The following PTPRN2 variants were observed in gnomAD, a reference collection of about 807,000 sequenced individuals.
PTPRN2 encodes the protein protein tyrosine phosphatase receptor type N2.
A neutral mutation model predicts 118.8 loss-of-function variants in PTPRN2; 74 were observed. The ratio of observed to expected loss-of-function variants is 0.62; its 90% CI spans 0.52 to 0.76. The LOEUF (loss-of-function observed/expected upper bound fraction) is 0.76. Ranked by LOEUF, PTPRN2 falls within the 30% of genes least tolerant of loss-of-function variation. The pLI is 0.00. For synonymous variants in PTPRN2, 641 were observed against 608.0 expected (o/e 1.05, Z -0.80); for missense variants, 1,481 against 1,394.4 (o/e 1.06, Z -0.99).
intron 2 of PTPRN2, 117 bp downstream of exon 2, chr7:158,489,616 CAG>C: frequency 2.8e-6 from 3 of 1,053,864 alleles, no homozygotes; most frequent in Non-Finnish European, 3.9e-6. Context: ...CTCCTCTCGG[CAG>C]CGCGCCCCGG....
At chr7:157,807,612 T>G (rs927016940) in intron 12 of PTPRN2, among the ~76,000 whole-genome samples, 2 of 152,204 alleles carry the variant, frequency 1.3e-5, no homozygotes, top group African/African-American at 4.8e-5. Context: ...CTGGCCCAAT[T>G]CATCACAGGA....
At position 158,085,473 on chromosome 7, in the gene PTPRN2, C is replaced by T. The variant is rs533654166; in HGVS notation, c.1644-4096G>A. Among the ~76,000 whole-genome samples, 186 of 124,906 alleles carry T rather than the reference C, an allele frequency of 1.5e-3. 5 individuals are homozygous for T. The highest frequency in any genetic ancestry group is 5.8e-3 in the African/African-American group (183 of 31,644). The allele number at this position is 124,906 out of a possible 152,430, so 81.9% of individuals were successfully genotyped here. On this transcript the variant is annotated intron_variant, in intron 10 of 22. Coordinates refer to ENST00000389418, the MANE Select transcript of PTPRN2 (RefSeq NM_002847.5). ...CACGGATGCCCATACACTCCGACAC[C>T]CATCCACACCCACGACGCCCATCCA...
chr7:158,162,916 T>C (rs1822496886), intron 6 of PTPRN2, among the ~76,000 whole-genome samples: 1 of 152,182 alleles, frequency 6.6e-6, no homozygotes, highest in Non-Finnish European at 1.5e-5. Flanking sequence ...GACCCGACCG[T>C]GCGACAGGAG....
chr7:157,747,064 C>T (rs1200107571), intron 12 of PTPRN2, among the ~76,000 whole-genome samples: 6 of 99,334 alleles, frequency 6.0e-5, no homozygotes, highest in African/African-American at 2.7e-4. Flanking sequence ...TGTGGGGTGT[C>T]CGGGTGATTC....
intron 11 of PTPRN2, among the ~76,000 whole-genome samples, chr7:157,949,925 C>A (rs1040030512): frequency 6.6e-6 from 1 of 152,218 alleles, no homozygotes; most frequent in African/African-American, 2.4e-5. Flanking sequence ...CTTCTTTAAG[C>A]CTCCAGCTTG....
At chr7:158,515,134 G>A (rs1004067027) in intron 1 of PTPRN2, among the ~76,000 whole-genome samples, 33 of 152,156 alleles carry the variant, frequency 2.2e-4, no homozygotes, top group African/African-American at 7.5e-4. Flanking sequence ...GGGCAGCCCC[G>A]GGCACACAAA....
intron 12 of PTPRN2, among the ~76,000 whole-genome samples, chr7:157,798,665 G>A (rs1805030832): frequency 1.3e-5 from 2 of 152,164 alleles, no homozygotes; most frequent in Non-Finnish European, 2.9e-5. Context: ...TCTCCTGAGA[G>A]CGATATTTAC....
At chr7:158,048,623 CCACCAT>C (rs1184840947) in intron 11 of PTPRN2, among the ~76,000 whole-genome samples, 12 of 74,108 alleles carry the variant, frequency 1.6e-4, no homozygotes, top group Non-Finnish European at 2.6e-4. Context: ...ATCACCACTA[CCACCAT>C]CACCATCACC....
intron 14 of PTPRN2, among the ~76,000 whole-genome samples, chr7:157,648,999 CGGT>C (rs1805391159): frequency 7.0e-6 from 1 of 143,284 alleles, no homozygotes; most frequent in South Asian, 2.4e-4. Context: ...GCACTGAACT[CGGT>C]GGGTCGGATC....
intron 5 of PTPRN2, among the ~76,000 whole-genome samples, chr7:158,171,077 CATATAT>C (rs72267331): frequency 8.1e-6 from 1 of 124,172 alleles, no homozygotes; most frequent in African/African-American, 3.1e-5. Flanking sequence ...ATTATATACA[CATATAT>C]ATACACACAT....
At chr7:157,906,450 T>C (rs2128756928) in intron 11 of PTPRN2, among the ~76,000 whole-genome samples, 1 of 152,336 alleles carries the variant, frequency 6.6e-6, no homozygotes, top group East Asian at 1.9e-4. Flanking sequence ...CCCCATGTCG[T>C]TTTCTGAAAA....
At chr7:158,422,651 C>T (rs139602837) in intron 2 of PTPRN2, among the ~76,000 whole-genome samples, 3 of 145,742 alleles carry the variant, frequency 2.1e-5, no homozygotes, top group South Asian at 2.1e-4. Flanking sequence ...ACCCTTCGGA[C>T]GTGGTCTCAG....
chr7:158,249,489 C>T (rs1796521210), intron 3 of PTPRN2, among the ~76,000 whole-genome samples: 1 of 151,528 alleles, frequency 6.6e-6, no homozygotes, highest in Non-Finnish European at 1.5e-5. Context: ...CCTGCACACA[C>T]ACACCCTGCA....
chr7:157,968,703 C>T (rs1050409083), intron 11 of PTPRN2, among the ~76,000 whole-genome samples: 1 of 152,148 alleles, frequency 6.6e-6, no homozygotes, highest in Admixed American at 6.5e-5. Context: ...CCTGACCCAT[C>T]ATACAGCCTA....
chr7:157,882,405 G>A (rs927847103), intron 12 of PTPRN2, among the ~76,000 whole-genome samples: 3 of 135,040 alleles, frequency 2.2e-5, no homozygotes, highest in South Asian at 2.5e-4. Context: ...ACACCACCCT[G>A]AAATGACTGT....
intron 2 of PTPRN2, among the ~76,000 whole-genome samples, chr7:158,387,921 C>T (rs1811626783): frequency 6.6e-6 from 1 of 152,180 alleles, no homozygotes; most frequent in African/African-American, 2.4e-5. Flanking sequence ...GAGCTAATGC[C>T]TTGAAATACT....
chr7:158,373,884 G>A (rs764761322), intron 2 of PTPRN2, among the ~76,000 whole-genome samples: 29 of 152,194 alleles, frequency 1.9e-4, no homozygotes, highest in African/African-American at 2.7e-4. Flanking sequence ...GTCTCTCTGC[G>A]TCTCAGCCTT....
At chr7:157,601,333 T>C (rs956390345) in intron 16 of PTPRN2, among the ~76,000 whole-genome samples, 1 of 152,208 alleles carries the variant, frequency 6.6e-6, no homozygotes, top group African/African-American at 2.4e-5. Flanking sequence ...TTGCTGTAAT[T>C]GTGAGCTTTT....
intron 4 of PTPRN2, among the ~76,000 whole-genome samples, chr7:158,201,592 AC>A (rs1396445993): frequency 6.6e-6 from 1 of 152,306 alleles, no homozygotes; most frequent in East Asian, 1.9e-4. Context: ...GAGATAATCA[AC>A]CAAGAGCCAG....
Sources: allele counts gnomAD v4.1 joint callset (sites outside exome capture counted in the v4.1 genomes callset), GRCh38; gene constraint gnomAD v4.1.1; transcripts MANE v1.5; gene names NCBI Gene and HGNC (gene_info 2026-07-23, HGNC 2026-07-21).